ANGPT2: variants seen among roughly 807,000 people sequenced by gnomAD.
ANGPT2 encodes angiopoietin 2, also known as angiopoietin-2.
ANGPT2 carries 28 observed loss-of-function variants against 62.9 expected under a neutral mutation model. The ratio of observed to expected loss-of-function variants is 0.44; its 90% CI spans 0.33 to 0.61. ANGPT2 has a LOEUF of 0.61. ANGPT2 is among the 20% of genes least tolerant of loss of function. The pLI is 0.03. For missense variants in ANGPT2, 727 were observed against 594.9 expected, an observed-to-expected ratio of 1.22 and a Z score of -2.31; for synonymous variants, 284 against 207.8, an observed-to-expected ratio of 1.37 and a Z score of -3.15.
intron 3 of ANGPT2, among the ~76,000 whole-genome samples, chr8:6,526,661 A>G (rs1176569548): frequency 4.6e-5 from 7 of 152,260 alleles, no homozygotes; most frequent in Non-Finnish European, 1.0e-4. Context: ...GATTAACAGT[A>G]AAGAACAATT....
chr8:6,522,320 A>T (rs529395618), intron 3 of ANGPT2, among the ~76,000 whole-genome samples: 1 of 151,904 alleles, frequency 6.6e-6, no homozygotes. Context: ...ATGCCACTGC[A>T]CTCCAGCCTG....
chr8:6,543,017 T>C (rs1821892387), intron 1 of ANGPT2, among the ~76,000 whole-genome samples: 2 of 152,190 alleles, frequency 1.3e-5, no homozygotes, highest in African/African-American at 4.8e-5. Flanking sequence ...GACTTGGGAA[T>C]GCTGATGGGA....
intron 5 of ANGPT2, among the ~76,000 whole-genome samples, chr8:6,515,194 C>T (rs958258687): frequency 3.5e-5 from 5 of 144,586 alleles, no homozygotes; most frequent in African/African-American, 1.3e-4. Context: ...GCCTTGAAAC[C>T]TTTCACTAAA....
intron 1 of ANGPT2, among the ~76,000 whole-genome samples, chr8:6,554,467 G>T (rs3020228): frequency 6.6e-6 from 1 of 151,942 alleles, no homozygotes; most frequent in African/African-American, 2.4e-5. Flanking sequence ...CATTTCCCAA[G>T]ATTTCTATAT....
intron 1 of ANGPT2, among the ~76,000 whole-genome samples, chr8:6,537,827 A>T (rs1820781007): frequency 1.3e-5 from 2 of 152,102 alleles, no homozygotes. Flanking sequence ...AACTATCCCC[A>T]ACTTGGAGAT....
At chr8:6,510,600 G>A (rs1201005623) in intron 7 of ANGPT2, among the ~76,000 whole-genome samples, 1 of 152,172 alleles carries the variant, frequency 6.6e-6, no homozygotes, top group Non-Finnish European at 1.5e-5. Flanking sequence ...CTTTGTTTTG[G>A]CACTGAAAGT....
intron 3 of ANGPT2, among the ~76,000 whole-genome samples, chr8:6,524,840 G>T (rs1818031465): frequency 6.6e-6 from 1 of 152,184 alleles, no homozygotes; most frequent in South Asian, 2.1e-4. Flanking sequence ...AGAGAAAATG[G>T]AGACCCTGAG....
chr8:6,545,576 T>C (rs761928933), intron 1 of ANGPT2, among the ~76,000 whole-genome samples: 1 of 152,206 alleles, frequency 6.6e-6, no homozygotes, highest in Non-Finnish European at 1.5e-5. Flanking sequence ...CTGATGAGGG[T>C]TAAAATGTAT....
chr8:6,528,118 A>G (rs1280939425), intron 2 of ANGPT2, among the ~76,000 whole-genome samples: 4 of 152,068 alleles, frequency 2.6e-5, no homozygotes, highest in Non-Finnish European at 5.9e-5. Context: ...GCTGGTCTGG[A>G]ACTCCTGACC....
At chr8:6,512,977 A>G (rs935698651) in intron 7 of ANGPT2, among the ~76,000 whole-genome samples, 2 of 152,240 alleles carry the variant, frequency 1.3e-5, no homozygotes, top group Non-Finnish European at 2.9e-5. Flanking sequence ...ATAAAGACAG[A>G]CTAACTTTTG....
At position 6,499,710 on chromosome 8, in the gene ANGPT2, A is replaced by G. The variant is rs1586135550; in HGVS notation, c.*3391T>C. ...CATTTATGCAACATGAAGATTCTGA[A>G]GGGACTTTGTTGTCTGAGAACACAT... On this transcript the variant is annotated 3_prime_UTR_variant, in exon 9 of 9. Transcript: ENST00000629816. 3 of 702,364 alleles carry G rather than the reference A, an allele frequency of 4.3e-6. No individual in the cohort carries two copies. Among genetic ancestry groups the G allele is most frequent in the East Asian group, 5.1e-5 (2 of 38,956 alleles). 43.5% of individuals were successfully genotyped at this position (702,364 alleles called of 1,614,324 possible).
chr8:6,554,904 G>A (rs751331795), intron 1 of ANGPT2, among the ~76,000 whole-genome samples: 3 of 152,194 alleles, frequency 2.0e-5, no homozygotes, highest in Non-Finnish European at 4.4e-5. Context: ...GTCAAGTGGT[G>A]CAAGGAAGGA....
intron 3 of ANGPT2, among the ~76,000 whole-genome samples, chr8:6,525,542 A>T (rs1586364087): frequency 1.3e-5 from 2 of 152,232 alleles, no homozygotes; most frequent in African/African-American, 4.8e-5. Context: ...AATCTATTCT[A>T]TAAAGAAAGC....
intron 4 of ANGPT2, among the ~76,000 whole-genome samples, chr8:6,520,829 G>A (rs1586321098): frequency 6.6e-6 from 1 of 152,160 alleles, no homozygotes; most frequent in Admixed American, 6.5e-5. Flanking sequence ...AATCTTAATG[G>A]CCATCCCATG....
At chr8:6,541,745 T>C (rs1306499049) in intron 1 of ANGPT2, among the ~76,000 whole-genome samples, 1 of 152,222 alleles carries the variant, frequency 6.6e-6, no homozygotes, top group African/African-American at 2.4e-5. Context: ...GGCTCACTCC[T>C]GTAATCCCAA....
At chr8:6,537,829 C>G (rs1414953572) in intron 1 of ANGPT2, among the ~76,000 whole-genome samples, 2 of 152,122 alleles carry the variant, frequency 1.3e-5, no homozygotes, top group Non-Finnish European at 2.9e-5. Flanking sequence ...CTATCCCCAA[C>G]TTGGAGATTC....
chr8:6,549,405 T>C (rs1262094711), intron 1 of ANGPT2, among the ~76,000 whole-genome samples: 2 of 152,152 alleles, frequency 1.3e-5, no homozygotes, highest in Non-Finnish European at 2.9e-5. Flanking sequence ...AATTAACCCA[T>C]GGTGGGTGAC....
At chr8:6,528,479 C>G (rs1008032195) in intron 2 of ANGPT2, among the ~76,000 whole-genome samples, 1 of 152,056 alleles carries the variant, frequency 6.6e-6, no homozygotes, top group East Asian at 1.9e-4. Flanking sequence ...CATTTGTCAC[C>G]ACTTGTTTAG....
intron 8 of ANGPT2, among the ~76,000 whole-genome samples, chr8:6,506,736 G>A (rs931835769): frequency 1.3e-5 from 2 of 151,108 alleles, no homozygotes; most frequent in African/African-American, 4.9e-5. Flanking sequence ...AGGACCTGTG[G>A]TACCAAATAG....
Sources: allele counts gnomAD v4.1 joint callset (sites outside exome capture counted in the v4.1 genomes callset), GRCh38; gene constraint gnomAD v4.1.1; transcripts MANE v1.5; gene names NCBI Gene and HGNC (gene_info 2026-07-23, HGNC 2026-07-21).